The following MAGI1 variants were observed in gnomAD, a reference collection of about 807,000 sequenced individuals.
MAGI1 encodes membrane-associated guanylate kinase, WW and PDZ domain-containing protein 1.
MAGI1 carries 58 observed loss-of-function variants against 139.9 expected under a neutral mutation model. The observed-to-expected ratio is 0.41, with a 90% confidence interval of 0.34 to 0.52. The LOEUF is 0.52. Among genes scored for constraint, MAGI1 ranks in the 20% least tolerant of loss-of-function variants. The pLI is 0.12. For missense variants in MAGI1, 1,874 were observed against 1,901.6 expected (o/e 0.99, Z 0.27); for synonymous variants, 812 against 737.9 (o/e 1.10, Z -1.63).
chr3:65,607,832 C>T (rs76467849), intron 2 of MAGI1, among the ~76,000 whole-genome samples: 4,134 of 152,150 alleles, frequency 0.027, 89 homozygotes, highest in Admixed American at 0.051. Context: ...ATTATGCATG[C>T]GGCCACTGTC....
At chr3:65,494,749 T>C (rs1952303260) in intron 2 of MAGI1, among the ~76,000 whole-genome samples, 2 of 152,276 alleles carry the variant, frequency 1.3e-5, no homozygotes, top group Admixed American at 6.5e-5. Context: ...TTCTTAGCAC[T>C]GTGCAGTCTC....
rs2061804862 is a variant in MAGI1, at chr3:65,914,443, G to A, written c.313+123553C>T. 1.3e-5 allele frequency among the ~76,000 whole-genome samples: 2 copies of A among 152,324 alleles called. 1 individual carries two copies. The highest frequency in any genetic ancestry group is 6.8e-3 in the Middle Eastern group (2 of 294). ...GGCCATGCAGATAACCTCAACTAGTGAAGCAGACAATGTCTGAAAAAGTAG... is the reference window on the plus strand; with the variant it reads ...GGCCATGCAGATAACCTCAACTAGTAAAGCAGACAATGTCTGAAAAAGTAG... On this transcript the variant is annotated intron_variant, in intron 1 of 22. Transcript: ENST00000402939.
intron 1 of MAGI1, among the ~76,000 whole-genome samples, chr3:65,887,095 TC>T (rs1365333950): frequency 6.6e-6 from 1 of 152,060 alleles, no homozygotes; most frequent in Admixed American, 6.6e-5. Context: ...AAACCAAGAT[TC>T]TCAGACATGA....
intron 1 of MAGI1, among the ~76,000 whole-genome samples, chr3:65,774,765 C>T (rs970349727): frequency 6.6e-6 from 1 of 152,096 alleles, no homozygotes; most frequent in Admixed American, 6.6e-5. Context: ...AGAAATTCAA[C>T]CAAAGAGCCA....
At chr3:65,623,476 T>G (rs1010268452) in intron 1 of MAGI1, among the ~76,000 whole-genome samples, 2 of 152,188 alleles carry the variant, frequency 1.3e-5, no homozygotes, top group African/African-American at 4.8e-5. Flanking sequence ...GCATTCACTC[T>G]TAATGGAGAA....
intron 7 of MAGI1, among the ~76,000 whole-genome samples, chr3:65,445,831 T>TGTTTC (rs1948641365): frequency 6.6e-6 from 1 of 152,192 alleles, no homozygotes; most frequent in African/African-American, 2.4e-5. Context: ...TGCCCACGCC[T>TGTTTC]CTCAGAGGCC....
intron 2 of MAGI1, among the ~76,000 whole-genome samples, chr3:65,522,214 T>A (rs1266126632): frequency 6.6e-6 from 1 of 152,208 alleles, no homozygotes; most frequent in Non-Finnish European, 1.5e-5. Context: ...AATTCTTCAC[T>A]GCAAGACTTC....
rs762292211 is a variant in MAGI1 at position 65,391,354 on chromosome 3, G to A, written c.2204C>T (p.Pro735Leu). The stretch of plus-strand genomic sequence containing the variant: ...ATTCTGGCTGTCTTTCCTTTCCAGT[G>A]GTTGCTGAAAGTAAGCAAGTGAGAG... The part of the protein sequence containing the change: ...PVPKKSPKSQ[P>L]LERKDSQNSS... Residue 735 changes from proline to leucine, a missense_variant, in exon 14 of 23, where the codon CCA becomes CTA. This residue lies in a region of MAGI1 where 482 missense variants were observed against 509.6 expected (regional missense o/e 0.95). Coordinates refer to ENST00000402939, the MANE Select transcript of MAGI1 (RefSeq NM_001033057.2). 98 of 1,613,758 alleles carry A rather than the reference G, an allele frequency of 6.1e-5. No individual in the cohort carries two copies. Among genetic ancestry groups the A allele is most frequent in the Non-Finnish European group, 7.4e-5 (87 of 1,179,840 alleles).
chr3:65,929,629 A>G (rs995048551), intron 1 of MAGI1, among the ~76,000 whole-genome samples: 4 of 151,980 alleles, frequency 2.6e-5, no homozygotes, highest in Non-Finnish European at 5.9e-5. Context: ...CACCGCGCCC[A>G]GCCAAGGAAG....
chr3:65,820,074 A>G (rs932830487), intron 1 of MAGI1, among the ~76,000 whole-genome samples: 1 of 151,906 alleles, frequency 6.6e-6, no homozygotes, highest in Admixed American at 6.6e-5. Context: ...TAATCAGTTG[A>G]TTGACCTTTG....
At chr3:65,779,642 T>C (rs955673395) in intron 1 of MAGI1, among the ~76,000 whole-genome samples, 30 of 152,352 alleles carry the variant, frequency 2.0e-4, no homozygotes, top group African/African-American at 6.7e-4. Context: ...CAACTAAAGA[T>C]TTATAAGTCT....
intron 1 of MAGI1, among the ~76,000 whole-genome samples, chr3:65,695,771 T>G (rs2089125458): frequency 6.6e-6 from 1 of 152,146 alleles, no homozygotes; most frequent in Non-Finnish European, 1.5e-5. Flanking sequence ...GGCTCTCAGT[T>G]CCAGCTGCAG....
intron 1 of MAGI1, among the ~76,000 whole-genome samples, chr3:65,637,444 C>T (rs1216475110): frequency 6.6e-6 from 1 of 151,840 alleles, no homozygotes; most frequent in African/African-American, 2.4e-5. Flanking sequence ...GTCCCAGCTA[C>T]TTGGGAGGCT....
chr3:65,356,554 G>T lies in MAGI1; in HGVS notation c.4213C>A (p.Arg1405Ser). Residue 1405 changes from arginine (R) to serine (S), a missense_variant, in exon 23 of 23, where the codon CGC becomes AGC. Coordinates refer to ENST00000402939, the MANE Select transcript of MAGI1 (RefSeq NM_001033057.2). ...CGCTCTCTCCTGCGCTCGGGGGAGCGTGCGCGCCTCCGGTCGGTGGACTTG... is the reference window on the plus strand; with the variant it reads ...CGCTCTCTCCTGCGCTCGGGGGAGCTTGCGCGCCTCCGGTCGGTGGACTTG... ...RAKSTDRRRA[R>S]SPERRRERSL... 2 of 1,606,842 alleles carry T rather than the reference G, an allele frequency of 1.2e-6. No homozygotes were observed. The highest frequency in any genetic ancestry group is 8.5e-7 in the Non-Finnish European group (1 of 1,178,966).
intron 2 of MAGI1, among the ~76,000 whole-genome samples, chr3:65,591,718 G>C (rs2081972589): frequency 6.6e-6 from 1 of 152,102 alleles, no homozygotes; most frequent in African/African-American, 2.4e-5. Context: ...TCTAACCCTT[G>C]TTCACTCTAT....
At chr3:66,009,747 T>C (rs1349044295) in intron 1 of MAGI1, among the ~76,000 whole-genome samples, 1 of 152,042 alleles carries the variant, frequency 6.6e-6, no homozygotes, top group African/African-American at 2.4e-5. Context: ...CCTGCCCTCA[T>C]GAGCACATTA....
At chr3:65,538,123 G>A (rs1251735180) in intron 2 of MAGI1, among the ~76,000 whole-genome samples, 3 of 152,128 alleles carry the variant, frequency 2.0e-5, no homozygotes, top group East Asian at 1.9e-4. Flanking sequence ...CAACAAGAGC[G>A]AAGCTCTAGC....
chr3:65,415,498 A>C (rs1946146549), intron 12 of MAGI1, among the ~76,000 whole-genome samples: 1 of 152,218 alleles, frequency 6.6e-6, no homozygotes, highest in East Asian at 1.9e-4. Flanking sequence ...GGGCTGGCTC[A>C]GGCTGCACTG....
chr3:65,611,052 TATAC>T (rs1157879128), intron 2 of MAGI1, among the ~76,000 whole-genome samples: 14 of 136,726 alleles, frequency 1.0e-4, no homozygotes, highest in African/African-American at 3.2e-4. Context: ...TATATACATA[TATAC>T]ATACATATAG....
Sources: gnomAD v4.1 joint callset for allele counts (sites outside exome capture counted in the v4.1 genomes callset) on GRCh38, gnomAD v4.1.1 for gene constraint, gnomAD v4.1.1 regional missense constraint, MANE v1.5 for transcripts, NCBI Gene and HGNC (gene_info 2026-07-23, HGNC 2026-07-21) for gene names.